The following PMPCB variants were observed in gnomAD, a reference collection of about 807,000 sequenced individuals.
PMPCB encodes the protein mitochondrial-processing peptidase subunit beta.
A neutral mutation model predicts 61.5 loss-of-function variants in PMPCB; 46 were observed. The ratio of observed to expected loss-of-function variants is 0.75; its 90% CI spans 0.59 to 0.96. The LOEUF is 0.96. Ranked by LOEUF, PMPCB falls within the 40% of genes least tolerant of loss-of-function variation. PMPCB has a pLI of 0.00. For synonymous variants in PMPCB, 191 were observed against 201.6 expected (o/e 0.95, Z 0.44); for missense variants, 590 against 602.4 (o/e 0.98, Z 0.22).
At chr7:103,324,372 G>A in intron 12 of PMPCB, 3 of 968,596 alleles carry the variant, frequency 3.1e-6, no homozygotes, top group Middle Eastern at 4.6e-4. Context: ...TTTGTTCAGT[G>A]AAGGTTCTGC....
chr7:103,313,540 C>G lies in PMPCB; in HGVS notation c.*1269C>G, dbSNP rs1817877901. ...AGTTAAACTTTTGCTGGATAGAAAC[C>G]CTGGAAATCATTCTTGTTTTACACT... On this transcript the variant is annotated 3_prime_UTR_variant, in exon 13 of 13. Transcript: ENST00000249269. The G allele has an allele frequency of 1.0e-6, 1 of 983,248 alleles. No individual in the cohort carries two copies. Among genetic ancestry groups the G allele is most frequent in the African/African-American group, 1.8e-5 (1 of 57,122 alleles). The allele number at this position is 983,248 out of a possible 1,614,324, so 60.9% of individuals were successfully genotyped here.
intron 4 of PMPCB, among the ~76,000 whole-genome samples, chr7:103,303,247 G>A (rs933875046): frequency 2.6e-5 from 4 of 152,186 alleles, no homozygotes; most frequent in African/African-American, 9.6e-5. Flanking sequence ...CTCCCGAGTA[G>A]CAGGGACTAC....
the PMPCB span, among the ~76,000 whole-genome samples, chr7:103,346,282 G>T: frequency 6.6e-6 from 1 of 152,096 alleles, no homozygotes; most frequent in Non-Finnish European, 1.5e-5. Flanking sequence ...ACAGGTGCGT[G>T]CCACCACGCC....
At chr7:103,343,079 A>C in the PMPCB span, among the ~76,000 whole-genome samples, 1 of 151,608 alleles carries the variant, frequency 6.6e-6, no homozygotes, top group Admixed American at 6.6e-5. Context: ...GGCTCACTGC[A>C]ACCTCCGCCT....
the PMPCB span, among the ~76,000 whole-genome samples, chr7:103,338,383 G>A: frequency 1.2e-3 from 176 of 149,628 alleles, 1 homozygote; most frequent in Admixed American, 2.9e-3. Flanking sequence ...TGCAACCTCC[G>A]CCTCCCGGGT....
intron 9 of PMPCB, chr7:103,310,915 G>T (rs1216155941): frequency 6.6e-6 from 1 of 152,414 alleles, no homozygotes; most frequent in Admixed American, 6.6e-5. Flanking sequence ...CTGAACTCCT[G>T]ACCTCAGGAG....
At chr7:103,343,929 T>C in the PMPCB span, among the ~76,000 whole-genome samples, 1 of 152,244 alleles carries the variant, frequency 6.6e-6, no homozygotes, top group Non-Finnish European at 1.5e-5. Context: ...TGGGAATTAC[T>C]GTAGATCACT....
At chr7:103,310,170 G>T in intron 8 of PMPCB, 145 bp from the exon 9 acceptor site, 1 of 626,726 alleles carries the variant, frequency 1.6e-6, no homozygotes, top group Non-Finnish European at 2.8e-6. Flanking sequence ...TAGTCATACT[G>T]AATTTTAACT....
chr7:103,331,892 T>C (rs2115989858), downstream of PMPCB, among the ~76,000 whole-genome samples: 1 of 152,356 alleles, frequency 6.6e-6, no homozygotes, highest in Non-Finnish European at 1.5e-5. Flanking sequence ...CGCTGGGCTA[T>C]ATGTTAATTC....
chr7:103,316,060 T>C (rs1161743669), downstream of PMPCB: 4 of 1,596,734 alleles, frequency 2.5e-6, no homozygotes, highest in Non-Finnish European at 3.4e-6. Flanking sequence ...GAAGAATGTA[T>C]GTTCATGTAA....
intron 6 of PMPCB, 110 bp from the exon 7 acceptor site, chr7:103,307,486 T>TAAAA (rs1817621101): frequency 1.6e-6 from 1 of 637,460 alleles, no homozygotes; most frequent in African/African-American, 1.8e-5. Flanking sequence ...TAATGGCTTT[T>TAAAA]AGTGAGTGTA....
chr7:103,322,737 T>C lies in PMPCB; in HGVS notation c.*1432-6194T>C. ...TTCTTATTCTGTTCATTTCTTCTTT[T>C]TTTCTTTGTGCTCTTGTTGCTCTGT... On this transcript the variant is annotated intron_variant and NMD_transcript_variant, in intron 12 of 12. Coordinates refer to the PMPCB transcript ENST00000444457. The C allele has an allele frequency of 1.9e-6, 3 of 1,611,304 alleles. 1 individual carries two copies. Among genetic ancestry groups the C allele is most frequent in the Non-Finnish European group, 1.7e-6 (2 of 1,179,862 alleles).
chr7:103,304,365 GT>G (rs201839239), intron 5 of PMPCB, 45 bp from the exon 6 acceptor site: 1,879 of 921,598 alleles, frequency 2.0e-3, no homozygotes, highest in Middle Eastern at 2.7e-3. Context: ...GTGAAGATCT[GT>G]TTTTTTTTTG....
Position 103,313,453 on chromosome 7 carries a change from C to T in PMPCB, c.*1182C>T. On this transcript the variant is annotated 3_prime_UTR_variant, in exon 13 of 13. Coordinates refer to ENST00000249269, the MANE Select transcript of PMPCB (RefSeq NM_004279.3). ...ACTCTTGGACTCAAAAACACAACCA[C>T]AATTCATTAAGAGTTCTGATAAATC... 1.0e-6 allele frequency: 1 copy of T among 984,820 alleles called. No individual in the cohort carries two copies. Among genetic ancestry groups the T allele is most frequent in the Non-Finnish European group, 1.2e-6 (1 of 829,410 alleles). The allele number at this position is 984,820 out of a possible 1,614,324, so 61.0% of individuals were successfully genotyped here. A position where few individuals can be genotyped will look rare whatever the true frequency, so the allele number is the denominator to read the frequency against.
exon 13 of PMPCB, chr7:103,329,275 C>T (rs1818866213): frequency 5.2e-6 from 1 of 191,738 alleles, no homozygotes; most frequent in Non-Finnish European, 1.1e-5. Context: ...TTGCTGTCTC[C>T]ATTTCATAGA....
chr7:103,316,790 T>A, downstream of PMPCB: 1 of 1,537,830 alleles, frequency 6.5e-7, no homozygotes, highest in Non-Finnish European at 8.9e-7. Flanking sequence ...ATCTCCAGGC[T>A]CCAGTGTGAG....
chr7:103,337,504 C>T, the PMPCB span: 3 of 453,736 alleles, frequency 6.6e-6, no homozygotes, highest in East Asian at 3.9e-5. Flanking sequence ...CACACACACA[C>T]ACCCATCCTA....
intron 12 of PMPCB, chr7:103,323,765 C>A: frequency 1.1e-6 from 1 of 917,092 alleles, no homozygotes; most frequent in Non-Finnish European, 1.5e-6. Context: ...CCTTTCCTTC[C>A]CTTCTAGTAT....
the PMPCB span, chr7:103,337,465 A>T: frequency 3.2e-6 from 1 of 314,346 alleles, no homozygotes; most frequent in Admixed American, 4.9e-5. Context: ...ATTTTTTAAA[A>T]GCTTGCCATT....
Sources: gnomAD v4.1 joint callset for allele counts (sites outside exome capture counted in the v4.1 genomes callset) on GRCh38, gnomAD v4.1.1 for gene constraint, MANE v1.5 for transcripts, NCBI Gene and HGNC (gene_info 2026-07-23, HGNC 2026-07-21) for gene names.